The following RASSF1 variants were observed in gnomAD, a reference collection of about 807,000 sequenced individuals.
RASSF1 encodes the protein Ras association domain family member 1, also known as ras association domain-containing protein 1.
RASSF1 carries 33 observed loss-of-function variants against 34.3 expected under a neutral mutation model. That is an observed-to-expected ratio of 0.96 (90% CI 0.73 to 1.29). The LOEUF is 1.29. Among genes scored for constraint, RASSF1 ranks in the 50% most tolerant of loss-of-function variants. The pLI is 0.00. For synonymous variants in RASSF1, 191 were observed against 195.0 expected (o/e 0.98, Z 0.17); for missense variants, 445 against 471.8 (o/e 0.94, Z 0.53).
rs149199466 is a variant in RASSF1, at chr3:50,335,003, G to A, written c.358-2849C>T. 2.0e-5 allele frequency among the ~76,000 whole-genome samples: 3 copies of A among 152,234 alleles called. No homozygotes were observed. The East Asian group carries it at 5.8e-4, about 29-fold the overall frequency. ...CTCGCTCTGTTTTCCAGGCTGGAGT[G>A]CAGTGGTGCGATCTTGGCTCATTGC... On this transcript the variant is annotated intron_variant, in intron 2 of 5. Coordinates refer to ENST00000359365, the MANE Select transcript of RASSF1 (RefSeq NM_007182.5).
intron 2 of RASSF1, among the ~76,000 whole-genome samples, chr3:50,332,784 C>A (rs960015084): frequency 6.6e-6 from 1 of 151,754 alleles, no homozygotes; most frequent in African/African-American, 2.4e-5. Context: ...TGAGTGAGAC[C>A]CTGCTTCAAA....
chr3:50,340,519 C>T (rs751872481), intron 1 of RASSF1, 37 bp downstream of exon 1: 15 of 1,434,790 alleles, frequency 1.0e-5, no homozygotes, highest in African/African-American at 1.5e-5. Context: ...CTTGGCTGCC[C>T]CTTCCGCTCT....
At chr3:50,337,323 C>T (rs1420507979) in intron 2 of RASSF1, 2 of 1,611,376 alleles carry the variant, frequency 1.2e-6, no homozygotes, top group South Asian at 1.1e-5. Context: ...CGCCCATAGC[C>T]GTACCCGCCC....
rs1464376506 is a variant in RASSF1 at position 50,331,623 on chromosome 3, C to T, written c.696G>A (p.Lys232=). 5.0e-6 allele frequency: 8 copies of T among 1,605,552 alleles called. No individual in the cohort carries two copies. The highest frequency in any genetic ancestry group is 1.3e-5 in the African/African-American group (1 of 74,786). Residue 232 remains lysine (K), a synonymous_variant, in exon 4 of 6, where the codon AAG becomes AAA. Transcript: ENST00000359365. The part of the protein sequence containing the change: ...AREVIEALLR[K]FLVVDDPRKF... Reference sequence around the variant, plus strand: ...TGCGGGGGTCATCCACCACCAAGAACTTTCGCAGCAGGGCCTCAATGACTT... The same window carrying T: ...TGCGGGGGTCATCCACCACCAAGAATTTTCGCAGCAGGGCCTCAATGACTT...
intron 2 of RASSF1, among the ~76,000 whole-genome samples, chr3:50,335,882 A>G (rs1226988880): frequency 6.6e-6 from 1 of 151,830 alleles, no homozygotes; most frequent in Non-Finnish European, 1.5e-5. Context: ...TTGGCATTAG[A>G]GGTGTGAGCC....
Position 50,337,981 on chromosome 3 carries a change from C to A in RASSF1, c.281G>T (p.Arg94Leu), listed in dbSNP as rs1347986655. ...GCAACAGTCCAGGCAGACGAGCGCGCGGCAGCGGTAGTGGCAGGTGAACTT... is the reference window on the plus strand; with the variant it reads ...GCAACAGTCCAGGCAGACGAGCGCGAGGCAGCGGTAGTGGCAGGTGAACTT... ...HCKFTCHYRCRALVCLDCCGP... is the reference protein window; with the variant it reads ...HCKFTCHYRCLALVCLDCCGP... The change falls in exon 2 of 6, where the codon CGC becomes CTC. Residue 94 changes from arginine (R) to leucine (L), a missense_variant. By Grantham distance (102) the Arg-to-Leu change is moderately radical. Coordinates refer to ENST00000359365, the MANE Select transcript of RASSF1 (RefSeq NM_007182.5). 1.2e-6 allele frequency: 2 copies of A among 1,606,700 alleles called. No homozygotes were observed. The highest frequency in any genetic ancestry group is 1.7e-6 in the Non-Finnish European group (2 of 1,176,842).
chr3:50,332,359 G>A (rs1702982208), intron 2 of RASSF1, among the ~76,000 whole-genome samples: 1 of 152,214 alleles, frequency 6.6e-6, no homozygotes, highest in Non-Finnish European at 1.5e-5. Flanking sequence ...AGAATCATTT[G>A]GCTTCTCTCT....
In RASSF1 at chr3:50,340,708, C is replaced by T. The variant is rs587675007; in HGVS notation, c.98G>A (p.Arg33His). ...GTTGCACGCGGTGCCCCGCGCGATG[C>T]GCAGCGCGTTGGCACGCTCCAGCCG... ...RTRLERANALRIARGTACNPT... is the reference protein window; with the variant it reads ...RTRLERANALHIARGTACNPT... Residue 33 changes from arginine to histidine, a missense_variant, in exon 1 of 6, where the codon CGC becomes CAC. By Grantham distance (29) the Arg-to-His change is conservative. Coordinates refer to ENST00000359365, the MANE Select transcript of RASSF1 (RefSeq NM_007182.5). 2.0e-6 allele frequency: 3 copies of T among 1,527,494 alleles called. No individual in the cohort carries two copies. The highest frequency in any genetic ancestry group is 2.7e-5 in the East Asian group (1 of 37,440). The allele number at this position is 1,527,494 out of a possible 1,614,324, so 94.6% of individuals were successfully genotyped here.
Position 50,338,693 on chromosome 3 carries a change from A to G in RASSF1, c.251-682T>C, listed in dbSNP as rs1213725135. ...CACCTGTCTCTACTCCCCTCAGACC[A>G]AGACACTGGTCTCTATACACTCTAA... On this transcript the variant is annotated intron_variant, in intron 1 of 5. Coordinates refer to ENST00000359365, the MANE Select transcript of RASSF1 (RefSeq NM_007182.5). 2.6e-5 allele frequency among the ~76,000 whole-genome samples: 4 copies of G among 152,134 alleles called. No individual in the cohort carries two copies. The East Asian group carries it at 7.7e-4, about 29-fold the overall frequency.
intron 2 of RASSF1, among the ~76,000 whole-genome samples, chr3:50,335,564 C>T (rs1432133827): frequency 6.6e-6 from 1 of 152,150 alleles, no homozygotes; most frequent in African/African-American, 2.4e-5. Context: ...AGTGATCTGC[C>T]TGCCTTGGCC....
intron 3 of RASSF1, 81 bp from the exon 4 acceptor site, chr3:50,331,937 C>CAA (rs1469478531): frequency 2.6e-6 from 4 of 1,556,376 alleles, no homozygotes; most frequent in Non-Finnish European, 2.6e-6. Flanking sequence ...TGGGTATGCA[C>CAA]AAATTACTGC....
At position 50,330,746 on chromosome 3, in the gene RASSF1, G is replaced by T. The variant is rs1702909387; in HGVS notation, c.877-19C>A. The T allele has an allele frequency of 6.2e-7, 1 of 1,612,888 alleles. No homozygotes were observed. The highest frequency in any genetic ancestry group is 8.5e-7 in the Non-Finnish European group (1 of 1,179,414). On this transcript the variant is annotated intron_variant, in intron 5 of 5. Transcript: ENST00000359365. This position sits in a 1 kb window ranked among gnomAD's most constrained non-coding sequence, Gnocchi z 4.5. ...CGTCCCACTGCAAGGGGCAAAAGGG[G>T]AGTGTACAGGCTGCAGAAGGGATGG...
intron 1 of RASSF1, 175 bp from the exon 2 acceptor site, chr3:50,338,186 T>G: frequency 7.1e-7 from 1 of 1,414,312 alleles, no homozygotes; most frequent in Non-Finnish European, 9.2e-7. Flanking sequence ...CCTGGGCGTC[T>G]GGAAACCGGC....
chr3:50,335,617 C>A (rs1055042721), intron 2 of RASSF1, among the ~76,000 whole-genome samples: 1 of 152,014 alleles, frequency 6.6e-6, no homozygotes, highest in East Asian at 1.9e-4. Context: ...CCAAGCCCAG[C>A]CTTCTTTCTT....
chr3:50,338,065 C>T, intron 1 of RASSF1, 54 bp from the exon 2 acceptor site: 1 of 1,540,132 alleles, frequency 6.5e-7, no homozygotes, highest in Non-Finnish European at 8.8e-7. Context: ...GGAAATGTCC[C>T]GGAGATTGAA....
intron 2 of RASSF1, among the ~76,000 whole-genome samples, chr3:50,333,059 A>G (rs1370461421): frequency 2.0e-5 from 3 of 151,860 alleles, no homozygotes; most frequent in African/African-American, 7.3e-5. Flanking sequence ...GTGCCATCGC[A>G]CTCCAGCCTG....
chr3:50,337,332 C>T lies in RASSF1; in HGVS notation c.357+573G>A, dbSNP rs772117480. The stretch of plus-strand genomic sequence containing the variant: ...CCGCCTCGCCCATAGCCGTACCCGC[C>T]CGTCCCCCAGTCCTGCGCGTCCGTA... On this transcript the variant is annotated intron_variant, in intron 2 of 5. Coordinates refer to ENST00000359365, the MANE Select transcript of RASSF1 (RefSeq NM_007182.5). 7 of 1,611,224 alleles carry T rather than the reference C, an allele frequency of 4.3e-6. No individual in the cohort carries two copies. In the South Asian group the frequency reaches 7.7e-5, roughly 18 times the overall value.
At chr3:50,337,160 C>T (rs1206326847) in intron 2 of RASSF1, 1 of 1,604,120 alleles carries the variant, frequency 6.2e-7, no homozygotes, top group Admixed American at 1.7e-5. Context: ...CGCCGGCACC[C>T]CCTGGCTCCC....
rs750294267 is a variant in RASSF1, at chr3:50,340,788, C to T, written c.18G>A (p.Glu6=). 6.6e-7 allele frequency: 1 copy of T among 1,512,946 alleles called. No homozygotes were observed. Among genetic ancestry groups the T allele is most frequent in the South Asian group, 1.2e-5 (1 of 82,316 alleles). 93.7% of individuals were successfully genotyped at this position (1,512,946 alleles called of 1,614,324 possible). MSGEP[E]LIELRELAPA... is the part of the protein sequence containing the mutation. ...GTGCCAGCTCCCGCAGCTCAATGAG[C>T]TCAGGCTCCCCCGACATGGCCCGGT... Residue 6 remains glutamate (E), a synonymous_variant, in exon 1 of 6, where the codon GAG becomes GAA. Coordinates refer to ENST00000359365, the MANE Select transcript of RASSF1 (RefSeq NM_007182.5).
Sources: allele counts gnomAD v4.1 joint callset (sites outside exome capture counted in the v4.1 genomes callset), GRCh38; gene constraint gnomAD v4.1.1; non-coding constraint Gnocchi (gnomAD v3.1); transcripts MANE v1.5; gene names NCBI Gene and HGNC (gene_info 2026-07-23, HGNC 2026-07-21).